SNAP23: variants seen among roughly 807,000 people sequenced by gnomAD.
SNAP23 encodes the protein synaptosome associated protein 23, also known as synaptosomal-associated protein 23.
SNAP23 carries 11 observed loss-of-function variants against 29.0 expected under a neutral mutation model. That is an observed-to-expected ratio of 0.38 (90% CI 0.24 to 0.63). The LOEUF is 0.63. Among genes scored for constraint, SNAP23 ranks in the 20% least tolerant of loss-of-function variants. The pLI is 0.58. For synonymous variants in SNAP23, 60 were observed against 82.9 expected (o/e 0.72, Z 1.50); for missense variants, 220 against 253.9 (o/e 0.87, Z 0.91).
upstream of SNAP23, chr15:42,491,191 A>T (rs2057158340): frequency 6.6e-6 from 1 of 152,190 alleles, no homozygotes; most frequent in African/African-American, 2.4e-5. Flanking sequence ...AGTTCTCAAT[A>T]ATCTAGCTTT....
At chr15:42,496,871 G>C (rs2057223749) in intron 1 of SNAP23, among the ~76,000 whole-genome samples, 1 of 152,092 alleles carries the variant, frequency 6.6e-6, no homozygotes, top group East Asian at 1.9e-4. Flanking sequence ...TTCTTCACAG[G>C]ATGGCAGGAG....
chr15:42,516,425 G>A (rs147457058), intron 5 of SNAP23, among the ~76,000 whole-genome samples: 314 of 152,290 alleles, frequency 2.1e-3, no homozygotes, highest in Non-Finnish European at 3.0e-3. Context: ...CGTCTCCTGG[G>A]TTCAAGTGAT....
At chr15:42,503,827 C>T (rs990866714) in intron 1 of SNAP23, among the ~76,000 whole-genome samples, 3 of 151,808 alleles carry the variant, frequency 2.0e-5, no homozygotes, top group Non-Finnish European at 2.9e-5. Flanking sequence ...TTAGTAGATA[C>T]GATTCTGTGA....
intron 4 of SNAP23, among the ~76,000 whole-genome samples, chr15:42,514,888 G>T (rs901479932): frequency 1.4e-4 from 22 of 151,858 alleles, no homozygotes; most frequent in Admixed American, 1.3e-3. Context: ...TTTTAGTAGA[G>T]ATGGGGTTTC....
upstream of SNAP23, among the ~76,000 whole-genome samples, chr15:42,492,468 C>G (rs1054081068): frequency 1.3e-5 from 2 of 151,446 alleles, no homozygotes; most frequent in Middle Eastern, 3.2e-3. Context: ...TCATGAGGTC[C>G]AGAGATCGAG....
chr15:42,515,195 G>A, intron 4 of SNAP23, 42 bp from the exon 5 acceptor site: 3 of 1,266,884 alleles, frequency 2.4e-6, no homozygotes, highest in Non-Finnish European at 3.4e-6. Context: ...GGTTGACACT[G>A]TGAATGGAAC....
chr15:42,494,531 G>T (rs1446692356), upstream of SNAP23, among the ~76,000 whole-genome samples: 1 of 150,106 alleles, frequency 6.7e-6, no homozygotes, highest in Non-Finnish European at 1.5e-5. Flanking sequence ...TTTTTTGTAG[G>T]GGGGACGGAA....
chr15:42,497,715 A>C (rs2057233792), intron 1 of SNAP23, among the ~76,000 whole-genome samples: 1 of 152,138 alleles, frequency 6.6e-6, no homozygotes, highest in Non-Finnish European at 1.5e-5. Flanking sequence ...GGCCTCCAAA[A>C]TCTTAACTCA....
At chr15:42,530,888 T>C (rs2057558861) in intron 7 of SNAP23, among the ~76,000 whole-genome samples, 1 of 152,240 alleles carries the variant, frequency 6.6e-6, no homozygotes, top group Admixed American at 6.5e-5. Context: ...CTTTAAATGC[T>C]GCAGTCTGGG....
At chr15:42,519,528 C>T (rs2057426073) in intron 5 of SNAP23, among the ~76,000 whole-genome samples, 1 of 151,606 alleles carries the variant, frequency 6.6e-6, no homozygotes, top group African/African-American at 2.4e-5. Context: ...TGCACCAACA[C>T]CTTGCTAACT....
At chr15:42,497,138 A>G (rs1233054033) in intron 1 of SNAP23, among the ~76,000 whole-genome samples, 4 of 148,656 alleles carry the variant, frequency 2.7e-5, no homozygotes, top group Admixed American at 2.0e-4. Flanking sequence ...CAACACTTCA[A>G]GCGATTCTCC....
At chr15:42,499,108 G>C (rs1168365931) in intron 1 of SNAP23, among the ~76,000 whole-genome samples, 1 of 145,770 alleles carries the variant, frequency 6.9e-6, no homozygotes, top group East Asian at 2.0e-4. Context: ...CACTCTTGTT[G>C]CCCAGGCTGG....
intron 2 of SNAP23, 41 bp downstream of exon 2, chr15:42,511,944 G>A (rs2057360976): frequency 1.4e-6 from 2 of 1,400,472 alleles, no homozygotes; most frequent in South Asian, 1.3e-5. Flanking sequence ...TTCTATTTCA[G>A]TTTTCATATT....
In SNAP23 at chr15:42,527,234, C is replaced by T. The variant is rs188031391; in HGVS notation, c.267-1028C>T. On this transcript the variant is annotated intron_variant, in intron 5 of 7. Transcript: ENST00000249647. ...TGTGTGGTCAAGGTACTTATTTGTCCGCTGATTGTCCAATTTGGAAATTAT... is the reference window on the plus strand; with the variant it reads ...TGTGTGGTCAAGGTACTTATTTGTCTGCTGATTGTCCAATTTGGAAATTAT... 1.4e-3 allele frequency among the ~76,000 whole-genome samples: 218 copies of T among 152,142 alleles called. 2 individuals are homozygous for T. The highest frequency in any genetic ancestry group is 4.6e-3 in the African/African-American group (192 of 41,514).
intron 1 of SNAP23, among the ~76,000 whole-genome samples, chr15:42,497,204 ATTTT>A (rs1192101985): frequency 2.9e-5 from 3 of 104,290 alleles, no homozygotes; most frequent in Admixed American, 9.8e-5. Flanking sequence ...AACCTGGCTA[ATTTT>A]TTTTTTTTTT....
At chr15:42,498,262 C>T (rs1485205842) in intron 1 of SNAP23, among the ~76,000 whole-genome samples, 1 of 152,186 alleles carries the variant, frequency 6.6e-6, no homozygotes, top group African/African-American at 2.4e-5. Context: ...TCTGCAGTGC[C>T]CTAGCAGAGG....
intron 1 of SNAP23, among the ~76,000 whole-genome samples, chr15:42,500,651 A>C (rs1372077262): frequency 6.6e-6 from 1 of 151,936 alleles, no homozygotes; most frequent in Admixed American, 6.6e-5. Context: ...TGACCTCCCA[A>C]AGTGCTGGGA....
At chr15:42,514,134 G>T (rs61047855) in intron 4 of SNAP23, among the ~76,000 whole-genome samples, 11 of 124,082 alleles carry the variant, frequency 8.9e-5, no homozygotes, top group African/African-American at 1.6e-4. Flanking sequence ...GTTTTGTTTT[G>T]TTTTTTTAAT....
Position 42,512,946 on chromosome 15 carries a change from C to A in SNAP23, c.58-9C>A, listed in dbSNP as rs761976696. 4.4e-6 allele frequency: 7 copies of A among 1,605,892 alleles called. No individual in the cohort carries two copies. Among genetic ancestry groups the A allele is most frequent in the African/African-American group, 2.7e-5 (2 of 74,642 alleles). ...TTTTGGAATGCTAAAATTCTGTGTT[C>A]TTTCCTAGTCTCTGGAAAGTACGAG... On this transcript the variant is annotated splice_polypyrimidine_tract_variant and intron_variant, in intron 2 of 7. Transcript: ENST00000249647.
Sources: allele counts gnomAD v4.1 joint callset (sites outside exome capture counted in the v4.1 genomes callset), GRCh38; gene constraint gnomAD v4.1.1; transcripts MANE v1.5; gene names NCBI Gene and HGNC (gene_info 2026-07-23, HGNC 2026-07-21).